Variants in LSAMP observed in about 807,000 individuals in gnomAD.
LSAMP encodes the protein limbic system associated membrane protein.
In LSAMP, 7 loss-of-function variants were observed where a neutral mutation model predicts 38.6. The observed-to-expected ratio is 0.18, with a 90% CI of 0.10 to 0.34. The LOEUF (loss-of-function observed/expected upper bound fraction) is 0.34, where lower values mean the gene tolerates loss of function less well. Ranked by LOEUF, LSAMP falls within the 10% of genes least tolerant of loss-of-function variation. LSAMP has a pLI of 1.00. For missense variants in LSAMP, 313 were observed against 420.0 expected, an observed-to-expected ratio of 0.75 and a Z score of 2.23; for synonymous variants, 154 against 166.8, an observed-to-expected ratio of 0.92 and a Z score of 0.59.
At chr3:116,105,505 G>C (rs1364682289) in intron 1 of LSAMP, among the ~76,000 whole-genome samples, 1 of 152,128 alleles carries the variant, frequency 6.6e-6, no homozygotes, top group Non-Finnish European at 1.5e-5. Context: ...GATTTGGAAA[G>C]GTAATGGAAA....
intron 1 of LSAMP, among the ~76,000 whole-genome samples, chr3:116,206,135 A>G (rs199607647): frequency 1.3e-5 from 2 of 149,084 alleles, no homozygotes; most frequent in Admixed American, 1.3e-4. Context: ...GTCTTGGGAG[A>G]GTGTATGTGT....
At chr3:115,965,074 C>A (rs114593925) in intron 3 of LSAMP, among the ~76,000 whole-genome samples, 240 of 151,962 alleles carry the variant, frequency 1.6e-3, no homozygotes, top group African/African-American at 5.6e-3. Context: ...TAAGAAATAC[C>A]TGATGGCAAA....
At chr3:116,328,357 T>C (rs569331925) in intron 1 of LSAMP, among the ~76,000 whole-genome samples, 1 of 152,304 alleles carries the variant, frequency 6.6e-6, no homozygotes, top group East Asian at 1.9e-4. Flanking sequence ...TTTAAATTAA[T>C]AGGCAAAAGA....
chr3:116,005,927 A>T (rs1940146283), intron 3 of LSAMP, among the ~76,000 whole-genome samples: 1 of 152,182 alleles, frequency 6.6e-6, no homozygotes, highest in Non-Finnish European at 1.5e-5. Context: ...TTATGGCTGC[A>T]TATTCAGAGT....
At chr3:115,955,199 G>T (rs1938417651) in intron 3 of LSAMP, among the ~76,000 whole-genome samples, 1 of 152,122 alleles carries the variant, frequency 6.6e-6, no homozygotes, top group Non-Finnish European at 1.5e-5. Context: ...CTCCCAAAGT[G>T]CTGGGATTAC....
chr3:116,240,164 G>A (rs954309895), intron 1 of LSAMP, among the ~76,000 whole-genome samples: 1 of 152,146 alleles, frequency 6.6e-6, no homozygotes, highest in East Asian at 1.9e-4. Context: ...ATGGATATAA[G>A]TATCCTTGAA....
intron 1 of LSAMP, among the ~76,000 whole-genome samples, chr3:116,307,063 C>A (rs924634173): frequency 2.0e-5 from 3 of 151,932 alleles, no homozygotes; most frequent in Non-Finnish European, 2.9e-5. Flanking sequence ...CATCACTAAG[C>A]AAGAAAAGAG....
At chr3:115,922,133 TG>T (rs1332855696) in intron 3 of LSAMP, among the ~76,000 whole-genome samples, 1 of 152,166 alleles carries the variant, frequency 6.6e-6, no homozygotes, top group Non-Finnish European at 1.5e-5. Context: ...CCTCCAGACT[TG>T]GGGAGTTTTC....
At chr3:115,959,595 T>C (rs1938561887) in intron 3 of LSAMP, among the ~76,000 whole-genome samples, 1 of 152,196 alleles carries the variant, frequency 6.6e-6, no homozygotes, top group South Asian at 2.1e-4. Context: ...TTACTTTGCA[T>C]CTAACTAGCC....
At chr3:116,132,926 C>T (rs948818798) in intron 1 of LSAMP, among the ~76,000 whole-genome samples, 1 of 152,170 alleles carries the variant, frequency 6.6e-6, no homozygotes, top group Non-Finnish European at 1.5e-5. Flanking sequence ...CCATCTCCTA[C>T]ACCTCTTCCG....
intron 1 of LSAMP, among the ~76,000 whole-genome samples, chr3:116,411,556 C>T (rs1159915377): frequency 7.1e-6 from 1 of 140,456 alleles, no homozygotes; most frequent in African/African-American, 2.7e-5. Context: ...TGTTCTCACT[C>T]ATAGGTGGAA....
At chr3:115,811,239 G>A (rs1933820107) in intron 6 of LSAMP, among the ~76,000 whole-genome samples, 1 of 152,132 alleles carries the variant, frequency 6.6e-6, no homozygotes, top group Non-Finnish European at 1.5e-5. Flanking sequence ...TTTGGGGGAT[G>A]TGGGTGTGGG....
At chr3:116,412,305 G>A (rs898120491) in intron 1 of LSAMP, among the ~76,000 whole-genome samples, 1 of 152,026 alleles carries the variant, frequency 6.6e-6, no homozygotes, top group African/African-American at 2.4e-5. Flanking sequence ...CTGTTCTCTA[G>A]AAAGCATCAC....
chr3:116,264,009 G>A (rs1040027738), intron 1 of LSAMP, among the ~76,000 whole-genome samples: 3 of 152,178 alleles, frequency 2.0e-5, no homozygotes, highest in African/African-American at 7.2e-5. Context: ...GTGATATTGT[G>A]CTGCTTCCAA....
At chr3:115,875,539 G>A (rs138490114) in intron 3 of LSAMP, among the ~76,000 whole-genome samples, 1 of 152,124 alleles carries the variant, frequency 6.6e-6, no homozygotes, top group East Asian at 1.9e-4. Context: ...CTCAATAAAT[G>A]ATGACTCCTT....
intron 2 of LSAMP, among the ~76,000 whole-genome samples, chr3:116,029,538 GCTAA>G (rs1448929103): frequency 6.6e-6 from 1 of 152,062 alleles, no homozygotes; most frequent in South Asian, 2.1e-4. Flanking sequence ...GAGATAATAT[GCTAA>G]CTATTTAGAA....
At chr3:116,127,683 C>G (rs1197712822) in intron 1 of LSAMP, among the ~76,000 whole-genome samples, 1 of 130,660 alleles carries the variant, frequency 7.7e-6, no homozygotes, top group African/African-American at 2.9e-5. Context: ...GGCAAGTTTT[C>G]AGTGTTTGTT....
chr3:115,894,425 T>C (rs1263034028), intron 3 of LSAMP, among the ~76,000 whole-genome samples: 2 of 152,048 alleles, frequency 1.3e-5, no homozygotes, highest in African/African-American at 4.8e-5. Context: ...GATGAAGGAA[T>C]ACTCTTCTAT....
intron 1 of LSAMP, among the ~76,000 whole-genome samples, chr3:116,097,892 T>C (rs546069364): frequency 1.1e-4 from 17 of 152,022 alleles, no homozygotes; most frequent in Non-Finnish European, 2.1e-4. Context: ...TGCACCACCA[T>C]ACCTGGCTAA....
Sources: gnomAD v4.1 joint callset for allele counts (sites outside exome capture counted in the v4.1 genomes callset) on GRCh38, gnomAD v4.1.1 for gene constraint, MANE v1.5 for transcripts, NCBI Gene and HGNC (gene_info 2026-07-23, HGNC 2026-07-21) for gene names.